PIK3C2B: variants seen among roughly 807,000 people sequenced by gnomAD.
The protein encoded by PIK3C2B is phosphatidylinositol 4-phosphate 3-kinase C2 domain-containing subunit beta.
In PIK3C2B, 83 loss-of-function variants were observed where a neutral mutation model predicts 184.3. The observed-to-expected ratio is 0.45, with a 90% CI of 0.38 to 0.54. The LOEUF (loss-of-function observed/expected upper bound fraction) is 0.54. Ranked by LOEUF, PIK3C2B falls within the 20% of genes least tolerant of loss-of-function variation. PIK3C2B has a pLI of 0.00. For missense variants in PIK3C2B, 1,736 were observed against 2,113.5 expected (o/e 0.82, Z 3.50); for synonymous variants, 779 against 837.6 (o/e 0.93, Z 1.21).
At chr1:204,461,328 CAG>C (rs1040483597) in intron 5 of PIK3C2B, among the ~76,000 whole-genome samples, 10 of 152,330 alleles carry the variant, frequency 6.6e-5, no homozygotes, top group Middle Eastern at 3.4e-3. Context: ...CTCCCCCTTT[CAG>C]AGAGAAGGCC....
Position 204,469,148 on chromosome 1 carries a change from G to A in PIK3C2B, c.655C>T (p.Gln219Ter). 6.2e-7 allele frequency: 1 copy of A among 1,614,136 alleles called. No individual in the cohort carries two copies. Residue 219 changes from glutamine to a stop codon, truncating the protein, a stop_gained, in exon 2 of 33, where the codon CAG (glutamine) becomes TAG (stop). Transcript: ENST00000684373. LOFTEE classifies it high-confidence loss of function. The stretch of plus-strand genomic sequence containing the variant: ...TCCACAGACCCCAGTAGGCGCCCCT[G>A]ACCCCCACCTCCCAGCACCTCTTCC... ...EEEEVLGGGG[Q>*]GRLLGSVDYD...
At chr1:204,454,502 A>T in intron 12 of PIK3C2B, 167 bp downstream of exon 12, 29 of 522,372 alleles carry the variant, frequency 5.6e-5, no homozygotes, top group East Asian at 1.3e-4. Flanking sequence ...AAAAAAAAAG[A>T]GTCAGGGAAG....
At position 204,459,211 on chromosome 1, in the gene PIK3C2B, C is replaced by A. The variant is rs186351707; in HGVS notation, c.1566+667G>T. On this transcript the variant is annotated intron_variant, in intron 8 of 32. Coordinates refer to ENST00000684373, the MANE Select transcript of PIK3C2B (RefSeq NM_001377334.1). ...TTTGTATTTTTTGTAGAGATGGGGT[C>A]TTGCTGTGTTGCCCAGGCTGGCCTT... 3.1e-3 allele frequency among the ~76,000 whole-genome samples: 474 copies of A among 152,172 alleles called. 1 individual carries two copies. Among genetic ancestry groups the A allele is most frequent in the Non-Finnish European group, 5.4e-3 (364 of 67,996 alleles).
intron 1 of PIK3C2B, among the ~76,000 whole-genome samples, chr1:204,483,606 A>T (rs2103534006): frequency 6.6e-6 from 1 of 152,328 alleles, no homozygotes; most frequent in South Asian, 2.1e-4. Context: ...TGGGTCATGA[A>T]GATTTTGAAA....
Position 204,454,721 on chromosome 1 carries a change from G to C in PIK3C2B, c.2014C>G (p.Arg672Gly). ...GKELCSPLQT[R>G]RAHFSKYLFH... is the part of the protein sequence containing the mutation. ...AGGTACTTGGAGAAGTGAGCTCTTCGGGTCTGCAGGGGGCTGCACAGCTCC... is the reference window on the plus strand; with the variant it reads ...AGGTACTTGGAGAAGTGAGCTCTTCCGGTCTGCAGGGGGCTGCACAGCTCC... Residue 672 changes from arginine to glycine, a missense_variant, in exon 12 of 33, where the codon CGA becomes GGA. Arg to Gly is a moderately radical substitution (Grantham distance 125). This residue lies in a region of PIK3C2B where 609 missense variants were observed against 699.2 expected (regional missense o/e 0.87). Transcript: ENST00000684373. 6.2e-7 allele frequency: 1 copy of C among 1,613,526 alleles called. No individual in the cohort carries two copies. Among genetic ancestry groups the C allele is most frequent in the Non-Finnish European group, 8.5e-7 (1 of 1,179,942 alleles).
intron 1 of PIK3C2B, among the ~76,000 whole-genome samples, chr1:204,470,321 C>T (rs912019336): frequency 6.6e-6 from 1 of 152,160 alleles, no homozygotes; most frequent in Non-Finnish European, 1.5e-5. Context: ...GCGCCCACCA[C>T]TGCGCCCGGC....
At chr1:204,431,313 G>A (rs1028770958) in intron 28 of PIK3C2B, 12 of 274,580 alleles carry the variant, frequency 4.4e-5, no homozygotes, top group Admixed American at 3.5e-4. Flanking sequence ...TACCCGTGTC[G>A]AAATCTCCCT....
intron 7 of PIK3C2B, 52 bp downstream of exon 7, chr1:204,460,272 A>T (rs1655216742): frequency 7.1e-7 from 1 of 1,399,966 alleles, no homozygotes; most frequent in African/African-American, 1.4e-5. Context: ...ATCTGATGGG[A>T]TCCCTGCACA....
rs1347217326 is a variant in PIK3C2B, at chr1:204,424,613, A to G, written c.*239T>C. ...AAGGTAAACTTAAAACTTTGCTGCA[A>G]CCTCACAGCCTCCAAGGGGCTGCTC... On this transcript the variant is annotated 3_prime_UTR_variant, in exon 33 of 33. Coordinates refer to ENST00000684373, the MANE Select transcript of PIK3C2B (RefSeq NM_001377334.1). 1.4e-6 allele frequency: 1 copy of G among 707,256 alleles called. No individual in the cohort carries two copies. The highest frequency in any genetic ancestry group is 2.6e-6 in the Non-Finnish European group (1 of 382,636). 43.8% of individuals were successfully genotyped at this position (707,256 alleles called of 1,614,324 possible).
At chr1:204,461,548 G>A (rs1304073691) in intron 5 of PIK3C2B, among the ~76,000 whole-genome samples, 2 of 152,188 alleles carry the variant, frequency 1.3e-5, no homozygotes, top group South Asian at 2.1e-4. Flanking sequence ...GAGAGGAGAG[G>A]ACAGGAGCAT....
rs1388217252 is a variant in PIK3C2B, at chr1:204,433,992, A to T, written c.3687-43T>A. The T allele has an allele frequency of 2.6e-6, 4 of 1,561,798 alleles. No individual in the cohort carries two copies. In the East Asian group the frequency reaches 9.0e-5, roughly 35 times the overall value. ...TACAGGTAGAAGGTCAACATGGAGG[A>T]GGAAGCCCACCATATGGGCTGCATC... is the stretch of plus-strand genomic sequence containing the variant. On this transcript the variant is annotated intron_variant, in intron 24 of 32. Transcript: ENST00000684373. The surrounding 1 kb of genome is among the most constrained non-coding windows in gnomAD (Gnocchi z 5.0).
intron 1 of PIK3C2B, among the ~76,000 whole-genome samples, chr1:204,478,696 C>T (rs773826300): frequency 4.6e-5 from 7 of 152,164 alleles, no homozygotes; most frequent in East Asian, 1.9e-4. Context: ...CTAAAGCAGC[C>T]GCACATGGTC....
chr1:204,424,832 G>T lies in PIK3C2B; in HGVS notation c.*20C>A. The T allele has an allele frequency of 6.2e-7, 1 of 1,612,328 alleles. No individual in the cohort carries two copies. The highest frequency in any genetic ancestry group is 8.5e-7 in the Non-Finnish European group (1 of 1,178,526). Reference sequence around the variant, plus strand: ...GCTCCTGCCACCAGCCTGGGATGCTGGGTGGTGGCTCTGCTGGGCTCACAA... The same window carrying T: ...GCTCCTGCCACCAGCCTGGGATGCTTGGTGGTGGCTCTGCTGGGCTCACAA... On this transcript the variant is annotated 3_prime_UTR_variant, in exon 33 of 33. Coordinates refer to ENST00000684373, the MANE Select transcript of PIK3C2B (RefSeq NM_001377334.1).
chr1:204,448,526 T>C (rs1654067585), intron 14 of PIK3C2B, among the ~76,000 whole-genome samples: 1 of 152,016 alleles, frequency 6.6e-6, no homozygotes. Context: ...TAGTCTCATC[T>C]ACTCGGGAGG....
chr1:204,449,100 T>C, intron 14 of PIK3C2B, 85 bp downstream of exon 14: 1 of 938,648 alleles, frequency 1.1e-6, no homozygotes, highest in Non-Finnish European at 1.7e-6. Flanking sequence ...TCTCCTGCTG[T>C]CCCAGCCCAA....
Position 204,432,309 on chromosome 1 carries a change from C to T in PIK3C2B, c.4046G>A (p.Arg1349Gln), listed in dbSNP as rs560059936. 50 of 1,614,038 alleles carry T rather than the reference C, an allele frequency of 3.1e-5. No homozygotes were observed. The highest frequency in any genetic ancestry group is 8.0e-5 in the African/African-American group (6 of 74,994). The change falls in exon 27 of 33, where the codon CGG (arginine) becomes CAG (glutamine). Residue 1349 changes from arginine (R) to glutamine (Q), a missense_variant. Transcript: ENST00000684373. The stretch of plus-strand genomic sequence containing the variant: ...TCGGGAGGCAAAGGAGAGGGTCAGC[C>T]GGTCATCTGAGCCCGTGAACTTCAT... ...AQMKFTGSDD[R>Q]LTLSFASRTH...
chr1:204,487,220 C>G (rs975159522), intron 1 of PIK3C2B, among the ~76,000 whole-genome samples: 1 of 152,236 alleles, frequency 6.6e-6, no homozygotes, highest in Non-Finnish European at 1.5e-5. Flanking sequence ...ATCCTCCCAC[C>G]TCAGCCTCTC....
At chr1:204,456,220 G>T in intron 10 of PIK3C2B, 169 bp from the exon 11 acceptor site, 1 of 499,020 alleles carries the variant, frequency 2.0e-6, no homozygotes, top group Non-Finnish European at 3.5e-6. Flanking sequence ...TGAGAAAAAA[G>T]CAGAAGCATG....
intron 8 of PIK3C2B, 118 bp downstream of exon 8, chr1:204,459,760 C>T: frequency 1.2e-6 from 1 of 845,130 alleles, no homozygotes; most frequent in Non-Finnish European, 2.0e-6. Context: ...AGTGCTCTGC[C>T]AACAGATTTT....
Sources: gnomAD v4.1 joint callset for allele counts (sites outside exome capture counted in the v4.1 genomes callset) on GRCh38, gnomAD v4.1.1 for gene constraint, gnomAD v4.1.1 regional missense constraint, Gnocchi (gnomAD v3.1) non-coding constraint, MANE v1.5 for transcripts, NCBI Gene and HGNC (gene_info 2026-07-23, HGNC 2026-07-21) for gene names.